The following ADAM12 variants were observed in gnomAD, a reference collection of about 807,000 sequenced individuals.
ADAM12 encodes the protein ADAM metallopeptidase domain 12.
A neutral mutation model predicts 106.4 loss-of-function variants in ADAM12; 70 were observed. The ratio of observed to expected loss-of-function variants is 0.66; its 90% CI spans 0.54 to 0.80. ADAM12 has a LOEUF of 0.80. ADAM12 is among the 30% of genes least tolerant of loss of function. The pLI, the probability that ADAM12 is intolerant of heterozygous loss-of-function variation, is 0.00. For synonymous variants in ADAM12, 420 were observed against 433.5 expected, an observed-to-expected ratio of 0.97 and a Z score of 0.39; for missense variants, 1,010 against 1,171.9, an observed-to-expected ratio of 0.86 and a Z score of 2.02.
At chr10:126,203,336 G>A (rs1016798366) in intron 3 of ADAM12, among the ~76,000 whole-genome samples, 2 of 152,154 alleles carry the variant, frequency 1.3e-5, no homozygotes, top group Non-Finnish European at 2.9e-5. Flanking sequence ...ATAGTCTGAA[G>A]GAGAAGAAAT....
chr10:126,298,306 C>T (rs577485514), intron 2 of ADAM12, among the ~76,000 whole-genome samples: 17 of 151,924 alleles, frequency 1.1e-4, no homozygotes, highest in African/African-American at 3.9e-4. Context: ...TTTAAAATGC[C>T]ACACTTCATA....
chr10:126,164,761 GA>G (rs1956995170), intron 3 of ADAM12, among the ~76,000 whole-genome samples: 1 of 152,158 alleles, frequency 6.6e-6, no homozygotes. Flanking sequence ...GTTTTCAGCA[GA>G]AACTCTAGAC....
At chr10:126,340,142 A>T (rs901464828) in intron 1 of ADAM12, among the ~76,000 whole-genome samples, 2 of 152,120 alleles carry the variant, frequency 1.3e-5, no homozygotes, top group African/African-American at 2.4e-5. Flanking sequence ...CATGAGCCAC[A>T]GTGCCCAGCC....
At chr10:126,180,302 G>A (rs1311671664) in intron 3 of ADAM12, among the ~76,000 whole-genome samples, 2 of 152,174 alleles carry the variant, frequency 1.3e-5, no homozygotes, top group Non-Finnish European at 2.9e-5. Flanking sequence ...CTGAGCAACA[G>A]CAAGGAAGAC....
chr10:126,281,749 T>G (rs1417322504), intron 2 of ADAM12, among the ~76,000 whole-genome samples: 1 of 152,208 alleles, frequency 6.6e-6, no homozygotes, highest in Non-Finnish European at 1.5e-5. Context: ...GATATATTGA[T>G]TACCCTAATG....
rs79893466 is a variant in ADAM12 at position 126,279,973 on chromosome 10, T to G, written c.187-985A>C. The stretch of plus-strand genomic sequence containing the variant: ...TCGGTACTAGGCTTGTATGAACGCA[T>G]GAGAATGAGAAGTTTATACATACTT... On this transcript the variant is annotated intron_variant, in intron 2 of 22. Transcript: ENST00000448723. Among the ~76,000 whole-genome samples, 1,342 of 152,344 alleles carry G rather than the reference T, an allele frequency of 8.8e-3. 32 individuals are homozygous for G. The East Asian group carries it at 0.12, about 14-fold the overall frequency.
At chr10:126,163,637 A>G (rs1308984305) in intron 3 of ADAM12, among the ~76,000 whole-genome samples, 2 of 152,188 alleles carry the variant, frequency 1.3e-5, no homozygotes, top group Non-Finnish European at 2.9e-5. Flanking sequence ...AAGATAACAT[A>G]TGTTACACTC....
At chr10:126,062,206 C>T (rs112349097) in intron 14 of ADAM12, among the ~76,000 whole-genome samples, 8 of 152,306 alleles carry the variant, frequency 5.3e-5, no homozygotes, top group African/African-American at 1.9e-4. Flanking sequence ...AAAGATAAAG[C>T]CTCTTCACCA....
rs1954228743 is a variant in ADAM12 at position 126,043,330 on chromosome 10, T to C, written c.1996-182A>G. On this transcript the variant is annotated intron_variant, in intron 17 of 22. Transcript: ENST00000448723. The surrounding 1 kb of genome is among the most constrained non-coding windows in gnomAD (Gnocchi z 4.1). ...CACACCACACAGGGGCGACCAAACC[T>C]GAGGCTGTGAAGATGCATCATCTGC... Among the ~76,000 whole-genome samples the C allele has an allele frequency of 6.6e-6, 1 of 152,264 alleles. No individual in the cohort carries two copies. The highest frequency in any genetic ancestry group is 3.4e-3 in the Middle Eastern group (1 of 294).
intron 3 of ADAM12, among the ~76,000 whole-genome samples, chr10:126,181,615 G>A (rs900247586): frequency 5.3e-5 from 8 of 152,152 alleles, no homozygotes; most frequent in African/African-American, 1.4e-4. Flanking sequence ...GTCAGGTGCC[G>A]TCTTGGGCAG....
At chr10:126,277,971 T>C (rs1959353182) in intron 3 of ADAM12, among the ~76,000 whole-genome samples, 1 of 152,206 alleles carries the variant, frequency 6.6e-6, no homozygotes, top group South Asian at 2.1e-4. Flanking sequence ...TGATCTGAGT[T>C]GTTTACAGGG....
Position 126,049,876 on chromosome 10 carries a change from T to A in ADAM12, c.1610-207A>T, listed in dbSNP as rs1954432440. Among the ~76,000 whole-genome samples, 1 of 152,090 alleles carries A rather than the reference T, an allele frequency of 6.6e-6. No homozygotes were observed. The highest frequency in any genetic ancestry group is 2.4e-5 in the African/African-American group (1 of 41,426). On this transcript the variant is annotated intron_variant, in intron 14 of 22. Coordinates refer to ENST00000448723, the MANE Select transcript of ADAM12 (RefSeq NM_001288973.2). This position sits in a 1 kb window ranked among gnomAD's most constrained non-coding sequence, Gnocchi z 4.4. Reference sequence around the variant, plus strand: ...TTGACTCGGCCTCTGGCAGAGCACATGTTCCAATGCTTACTCTTCCTTAGG... The same window carrying A: ...TTGACTCGGCCTCTGGCAGAGCACAAGTTCCAATGCTTACTCTTCCTTAGG...
At chr10:126,056,568 G>C (rs1954635962) in intron 14 of ADAM12, among the ~76,000 whole-genome samples, 1 of 152,130 alleles carries the variant, frequency 6.6e-6, no homozygotes. Flanking sequence ...TGGTGGTGAG[G>C]GTTTGCAAGG....
At chr10:126,098,150 T>C (rs532643733) in intron 10 of ADAM12, among the ~76,000 whole-genome samples, 7 of 152,368 alleles carry the variant, frequency 4.6e-5, no homozygotes, top group African/African-American at 1.7e-4. Flanking sequence ...TGGAAAGTCC[T>C]GGTTGAAAAT....
At chr10:126,235,699 T>G (rs1052384804) in intron 3 of ADAM12, among the ~76,000 whole-genome samples, 1 of 152,214 alleles carries the variant, frequency 6.6e-6, no homozygotes, top group Non-Finnish European at 1.5e-5. Flanking sequence ...TCCCACTTTC[T>G]GCTCCAGATT....
chr10:126,058,141 G>A (rs1954673342), intron 14 of ADAM12, among the ~76,000 whole-genome samples: 1 of 152,202 alleles, frequency 6.6e-6, no homozygotes. Context: ...GCAGGGATTG[G>A]CCCTCCTTTC....
At chr10:126,312,131 GAA>G (rs35783742) in intron 2 of ADAM12, among the ~76,000 whole-genome samples, 29,992 of 123,498 alleles carry the variant, frequency 0.24, 3,391 homozygotes, top group South Asian at 0.28. Context: ...GGTTGGTGTG[GAA>G]AAAAAAAAAA....
At chr10:126,084,824 T>C (rs1401786604) in intron 11 of ADAM12, among the ~76,000 whole-genome samples, 1 of 152,144 alleles carries the variant, frequency 6.6e-6, no homozygotes, top group Non-Finnish European at 1.5e-5. Context: ...GGCCAAAGAA[T>C]GGATCAGGAG....
chr10:126,186,539 A>C (rs981054320), intron 3 of ADAM12, among the ~76,000 whole-genome samples: 1 of 152,132 alleles, frequency 6.6e-6, no homozygotes, highest in Non-Finnish European at 1.5e-5. Flanking sequence ...TTATTTCTGC[A>C]CTCAATTTTG....
Sources: gnomAD v4.1 joint callset for allele counts (sites outside exome capture counted in the v4.1 genomes callset) on GRCh38, gnomAD v4.1.1 for gene constraint, Gnocchi (gnomAD v3.1) non-coding constraint, MANE v1.5 for transcripts, NCBI Gene and HGNC (gene_info 2026-07-23, HGNC 2026-07-21) for gene names.